Variants in MLIP observed in about 807,000 individuals in gnomAD.
MLIP encodes muscular LMNA-interacting protein.
In MLIP, 79 loss-of-function variants were observed where a neutral mutation model predicts 84.8. That is an observed-to-expected ratio of 0.93 (90% CI 0.78 to 1.12). MLIP has a LOEUF of 1.12. Ranked by LOEUF, MLIP falls within the 50% of genes most tolerant of loss-of-function variation. The pLI, the probability that MLIP is intolerant of heterozygous loss-of-function variation, is 0.00. For synonymous variants in MLIP, 504 were observed against 463.0 expected (o/e 1.09, Z -1.14); for missense variants, 1,257 against 1,160.6 (o/e 1.08, Z -1.21).
At chr6:54,040,885 A>G (rs77505346) in intron 1 of MLIP, among the ~76,000 whole-genome samples, 13 of 152,072 alleles carry the variant, frequency 8.5e-5, no homozygotes, top group Non-Finnish European at 1.2e-4. Context: ...GGACATAAAG[A>G]CAGGAATAAT....
chr6:54,125,266 G>A lies in MLIP; in HGVS notation c.645+401G>A, dbSNP rs375302772. On this transcript the variant is annotated intron_variant, in intron 3 of 13. Transcript: ENST00000502396. ...GTAAGAAAGATCTAGTGAAAAGACG[G>A]TAATTGGACATTAGAGGTAGACCCA... is the stretch of plus-strand genomic sequence containing the variant. Among the ~76,000 whole-genome samples the A allele has an allele frequency of 1.8e-4, 28 of 152,298 alleles. 1 individual carries two copies. The highest frequency in any genetic ancestry group is 6.5e-4 in the African/African-American group (27 of 41,560).
intron 2 of MLIP, among the ~76,000 whole-genome samples, chr6:54,122,645 A>G (rs778914688): frequency 4.6e-5 from 7 of 152,178 alleles, no homozygotes; most frequent in African/African-American, 7.2e-5. Context: ...TCTTCTTTCA[A>G]AGACTAATGG....
chr6:54,143,766 T>G (rs1014455473), intron 4 of MLIP, among the ~76,000 whole-genome samples: 2 of 152,198 alleles, frequency 1.3e-5, no homozygotes, highest in African/African-American at 4.8e-5. Context: ...CCTTGAATCT[T>G]ATTGTAATTT....
At position 54,124,737 on chromosome 6, in the gene MLIP, A is replaced by C. The variant is rs763317229; in HGVS notation, c.517A>C (p.Lys173Gln). Residue 173 changes from lysine (K) to glutamine (Q), a missense_variant, in exon 3 of 14, where the codon AAG (lysine) becomes CAG (glutamine). By Grantham distance (53) the Lys-to-Gln change is moderately conservative. Transcript: ENST00000502396. ...GATTGGCACCGCAGCTGTCCGGCCC[A>C]AGTCTCTAGCTATCTCGTCCAGTCT... ...GGIGTAAVRP[K>Q]SLAISSSLVS... 7 of 1,614,206 alleles carry C rather than the reference A, an allele frequency of 4.3e-6. No individual in the cohort carries two copies. The highest frequency in any genetic ancestry group is 5.9e-6 in the Non-Finnish European group (7 of 1,180,020).
At chr6:54,254,129 GTTT>G (rs68110508) in intron 12 of MLIP, among the ~76,000 whole-genome samples, 12 of 129,548 alleles carry the variant, frequency 9.3e-5, no homozygotes, top group African/African-American at 8.6e-5. Context: ...TTTTTTTGCT[GTTT>G]TTTTTTTTTT....
intron 12 of MLIP, among the ~76,000 whole-genome samples, chr6:54,251,804 A>G (rs1288193279): frequency 1.0e-5 from 1 of 97,108 alleles, no homozygotes; most frequent in Non-Finnish European, 1.8e-5. Context: ...ATATAAATAT[A>G]TATATTATAA....
At chr6:54,239,609 C>G (rs1781596884) in intron 12 of MLIP, among the ~76,000 whole-genome samples, 1 of 147,802 alleles carries the variant, frequency 6.8e-6, no homozygotes, top group Non-Finnish European at 1.5e-5. Flanking sequence ...GAAACCCCAT[C>G]TCTACTAAAA....
chr6:54,056,925 T>C (rs1184533405), intron 1 of MLIP, among the ~76,000 whole-genome samples: 2 of 152,190 alleles, frequency 1.3e-5, no homozygotes, highest in African/African-American at 2.4e-5. Context: ...TGTTCTAAGG[T>C]AGTAGGGTTA....
intron 9 of MLIP, among the ~76,000 whole-genome samples, chr6:54,183,660 A>G (rs1392131241): frequency 6.6e-6 from 1 of 151,042 alleles, no homozygotes; most frequent in East Asian, 1.9e-4. Flanking sequence ...AAAAATTTCT[A>G]TATCTACTCT....
At chr6:54,118,641 C>T (rs988809248) in intron 1 of MLIP, among the ~76,000 whole-genome samples, 7 of 151,686 alleles carry the variant, frequency 4.6e-5, no homozygotes, top group Admixed American at 3.3e-4. Flanking sequence ...AAAGTATAAG[C>T]AAAAAAAGCA....
intron 8 of MLIP, among the ~76,000 whole-genome samples, chr6:54,163,187 A>G (rs1774833759): frequency 6.6e-6 from 1 of 152,004 alleles, no homozygotes. Context: ...GAGTATTAAA[A>G]TAGTGACTTT....
At chr6:54,032,158 T>C (rs879365496) in intron 1 of MLIP, among the ~76,000 whole-genome samples, 1 of 152,156 alleles carries the variant, frequency 6.6e-6, no homozygotes, top group Non-Finnish European at 1.5e-5. Flanking sequence ...GCCTCAAGAA[T>C]AACCCAGTAA....
At chr6:54,118,052 G>A (rs2150423641) in intron 1 of MLIP, among the ~76,000 whole-genome samples, 1 of 152,320 alleles carries the variant, frequency 6.6e-6, no homozygotes, top group South Asian at 2.1e-4. Context: ...GATATACTGT[G>A]TTCATGAATT....
intron 1 of MLIP, among the ~76,000 whole-genome samples, chr6:54,080,763 T>C (rs545408195): frequency 6.7e-6 from 1 of 148,840 alleles, no homozygotes; most frequent in South Asian, 2.1e-4. Context: ...TATATAAATA[T>C]TATATATCTG....
At chr6:54,162,613 CGGTTTG>C (rs1161035571) in intron 8 of MLIP, among the ~76,000 whole-genome samples, 1 of 151,728 alleles carries the variant, frequency 6.6e-6, no homozygotes, top group Admixed American at 6.6e-5. Context: ...AGAAGCATGA[CGGTTTG>C]AGGCTTGCCA....
intron 12 of MLIP, among the ~76,000 whole-genome samples, chr6:54,239,356 CATATATATATAATAT>C (rs922748196): frequency 2.8e-5 from 4 of 140,602 alleles, no homozygotes; most frequent in Admixed American, 1.4e-4. Flanking sequence ...GCCATTTAAA[CATATATATATAATAT>C]ATATATATAT....
At position 54,251,724 on chromosome 6, in the gene MLIP, C is replaced by T. The variant is rs575066446; in HGVS notation, c.2923-5584C>T. Among the ~76,000 whole-genome samples the T allele has an allele frequency of 1.2e-3, 113 of 94,734 alleles. 1 individual carries two copies. Among genetic ancestry groups the T allele is most frequent in the African/African-American group, 4.2e-3 (86 of 20,276 alleles). The allele number at this position is 94,734 out of a possible 152,430, so 62.1% of individuals were successfully genotyped here. The stretch of plus-strand genomic sequence containing the variant: ...AACATATGATACATATATATTATAA[C>T]ATATGATATAAATATATATAATAGC... On this transcript the variant is annotated intron_variant, in intron 12 of 13. Coordinates refer to ENST00000502396, the MANE Select transcript of MLIP (RefSeq NM_001281747.2).
chr6:54,196,177 C>CT (rs200134829), intron 10 of MLIP, among the ~76,000 whole-genome samples: 183 of 152,076 alleles, frequency 1.2e-3, no homozygotes, highest in Admixed American at 2.3e-3. Context: ...CAATCAGCAC[C>CT]TTTTTTTAAA....
At chr6:54,074,638 A>G (rs1430450134) in intron 1 of MLIP, among the ~76,000 whole-genome samples, 6 of 152,160 alleles carry the variant, frequency 3.9e-5, no homozygotes, top group Non-Finnish European at 8.8e-5. Context: ...GCATGCTATA[A>G]AGTATTCACA....
Sources: gnomAD v4.1 joint callset for allele counts (sites outside exome capture counted in the v4.1 genomes callset) on GRCh38, gnomAD v4.1.1 for gene constraint, MANE v1.5 for transcripts, NCBI Gene and HGNC (gene_info 2026-07-23, HGNC 2026-07-21) for gene names.